SBNO1: variants seen among roughly 807,000 people sequenced by gnomAD.
The protein encoded by SBNO1 is strawberry notch homolog 1, also known as protein strawberry notch homolog 1.
SBNO1 carries 23 observed loss-of-function variants against 173.6 expected under a neutral mutation model. The observed-to-expected ratio is 0.13, with a 90% confidence interval of 0.10 to 0.19. The LOEUF is 0.19. Ranked by LOEUF, SBNO1 falls within the 10% of genes least tolerant of loss-of-function variation. SBNO1 has a pLI of 1.00. For synonymous variants in SBNO1, 632 were observed against 571.5 expected, an observed-to-expected ratio of 1.11 and a Z score of -1.51; for missense variants, 1,238 against 1,671.2, an observed-to-expected ratio of 0.74 and a Z score of 4.52.
At chr12:123,311,691 C>CCTACCTAT (rs1555246163) in intron 24 of SBNO1, among the ~76,000 whole-genome samples, 1 of 121,768 alleles carries the variant, frequency 8.2e-6, no homozygotes, top group Non-Finnish European at 1.7e-5. Flanking sequence ...AAACAAGTAA[C>CCTACCTAT]CTATCTATCT....
At chr12:123,333,729 C>T (rs1871510365) in intron 7 of SBNO1, among the ~76,000 whole-genome samples, 1 of 152,204 alleles carries the variant, frequency 6.6e-6, no homozygotes, top group South Asian at 2.1e-4. Context: ...AACTCCTGGG[C>T]TCAAGCAATC....
At chr12:123,358,364 T>G (rs1295646591) in intron 1 of SBNO1, among the ~76,000 whole-genome samples, 1 of 152,234 alleles carries the variant, frequency 6.6e-6, no homozygotes, top group Non-Finnish European at 1.5e-5. Context: ...AACCCATATA[T>G]GGGTGTGTTT....
chr12:123,327,650 G>T (rs11057272), intron 12 of SBNO1, 57 bp downstream of exon 12: 42,292 of 1,585,642 alleles, frequency 0.027, 708 homozygotes, highest in Non-Finnish European at 0.031. Context: ...TGGGCTTTAG[G>T]AATAACACAC....
At chr12:123,338,929 C>G (rs1184944184) in intron 5 of SBNO1, among the ~76,000 whole-genome samples, 23 of 142,588 alleles carry the variant, frequency 1.6e-4, no homozygotes, top group African/African-American at 5.5e-4. Context: ...CCCCCCTCCC[C>G]GACTAGTTTG....
intron 29 of SBNO1, among the ~76,000 whole-genome samples, chr12:123,304,150 C>G (rs901271440): frequency 6.6e-6 from 1 of 152,144 alleles, no homozygotes; most frequent in Non-Finnish European, 1.5e-5. Context: ...AGGCTGGTCT[C>G]AAACTCCTGA....
intron 6 of SBNO1, among the ~76,000 whole-genome samples, chr12:123,334,935 T>A (rs1177364775): frequency 1.3e-5 from 2 of 152,218 alleles, no homozygotes; most frequent in Non-Finnish European, 2.9e-5. Context: ...ATGCTTGTAA[T>A]CTCAGCACTT....
At chr12:123,319,351 C>T (rs1869689989) in intron 20 of SBNO1, among the ~76,000 whole-genome samples, 2 of 152,140 alleles carry the variant, frequency 1.3e-5, no homozygotes, top group South Asian at 4.1e-4. Context: ...GCATTACACA[C>T]AATACTTATT....
intron 19 of SBNO1, 47 bp downstream of exon 19, chr12:123,320,385 G>C (rs1356342747): frequency 2.0e-6 from 3 of 1,483,016 alleles, no homozygotes; most frequent in Admixed American, 4.0e-5. Flanking sequence ...TCATTTTACA[G>C]GGGTTCAAAT....
intron 30 of SBNO1, among the ~76,000 whole-genome samples, chr12:123,301,537 A>C (rs1287334112): frequency 6.6e-6 from 1 of 152,204 alleles, no homozygotes; most frequent in African/African-American, 2.4e-5. Flanking sequence ...CTACTTAATG[A>C]GGGAGAGAAC....
At chr12:123,297,871 G>C in intron 31 of SBNO1, 107 bp downstream of exon 31, 1 of 985,378 alleles carries the variant, frequency 1.0e-6, no homozygotes, top group East Asian at 2.4e-5. Context: ...CCCACTACTG[G>C]AAGAGATGTT....
intron 28 of SBNO1, among the ~76,000 whole-genome samples, chr12:123,305,807 A>C (rs187609092): frequency 1.3e-5 from 2 of 152,314 alleles, no homozygotes; most frequent in Admixed American, 1.3e-4. Flanking sequence ...TTTATGAGAA[A>C]AACTTTAAGA....
intron 25 of SBNO1, among the ~76,000 whole-genome samples, chr12:123,310,128 A>G (rs541503060): frequency 3.0e-4 from 45 of 152,362 alleles, no homozygotes; most frequent in African/African-American, 7.9e-4. Context: ...TAAGAAAGTT[A>G]GTTCTCCAAC....
chr12:123,338,927 C>G (rs1466271709), intron 5 of SBNO1, among the ~76,000 whole-genome samples: 4 of 122,344 alleles, frequency 3.3e-5, no homozygotes, highest in African/African-American at 6.2e-5. Context: ...CCCCCCCCTC[C>G]CCGACTAGTT....
chr12:123,360,031 G>C (rs1242103316), intron 1 of SBNO1, among the ~76,000 whole-genome samples: 1 of 152,142 alleles, frequency 6.6e-6, no homozygotes, highest in Non-Finnish European at 1.5e-5. Flanking sequence ...CCTGAGGTCA[G>C]GAGTTCGAGA....
At chr12:123,304,511 C>G in intron 29 of SBNO1, 71 bp downstream of exon 29, 1 of 1,183,630 alleles carries the variant, frequency 8.4e-7, no homozygotes, top group South Asian at 1.3e-5. Flanking sequence ...GCTGAGATTA[C>G]AGGTGTGAGC....
rs749476348 is a variant in SBNO1 at position 123,348,148 on chromosome 12, A to T, written c.133-15T>A. 3 of 1,366,952 alleles carry T rather than the reference A, an allele frequency of 2.2e-6. No individual in the cohort carries two copies. The highest frequency in any genetic ancestry group is 2.4e-5 in the East Asian group (1 of 41,450). The allele number at this position is 1,366,952 out of a possible 1,614,324, so 84.7% of individuals were successfully genotyped here. On this transcript the variant is annotated splice_polypyrimidine_tract_variant and intron_variant, in intron 2 of 31. Coordinates refer to ENST00000602398, the MANE Select transcript of SBNO1 (RefSeq NM_001167856.3). ...AGTGGCACTGACTGGAGAGAAAACA[A>T]CATCAGACAAAAAATAAAAGGACAG...
intron 21 of SBNO1, among the ~76,000 whole-genome samples, chr12:123,316,730 T>G: frequency 7.7e-6 from 1 of 130,152 alleles, no homozygotes. Flanking sequence ...TGAGATGGAA[T>G]CTCCCTATGT....
At chr12:123,304,748 G>C in intron 28 of SBNO1, 29 bp from the exon 29 acceptor site, 1 of 1,351,976 alleles carries the variant, frequency 7.4e-7, no homozygotes, top group Non-Finnish European at 1.0e-6. Flanking sequence ...AAAATATAAA[G>C]ATTTTATAAT....
intron 23 of SBNO1, among the ~76,000 whole-genome samples, chr12:123,314,747 A>ATG (rs1869068818): frequency 6.6e-6 from 1 of 152,068 alleles, no homozygotes; most frequent in Non-Finnish European, 1.5e-5. Context: ...CTGGGACTAC[A>ATG]GATGCATGCC....
Sources: gnomAD v4.1 joint callset for allele counts (sites outside exome capture counted in the v4.1 genomes callset) on GRCh38, gnomAD v4.1.1 for gene constraint, MANE v1.5 for transcripts, NCBI Gene and HGNC (gene_info 2026-07-23, HGNC 2026-07-21) for gene names.